TBC1D14: variants seen among roughly 807,000 people sequenced by gnomAD.
TBC1D14 encodes the protein TBC1 domain family, member 14.
A neutral mutation model predicts 79.0 loss-of-function variants in TBC1D14; 26 were observed. That is an observed-to-expected ratio of 0.33 (90% CI 0.24 to 0.46). The LOEUF is 0.46. Among genes scored for constraint, TBC1D14 ranks in the 20% least tolerant of loss-of-function variants. The probability of loss-of-function intolerance (pLI) is 1.00; values close to 1 mark genes in which losing one functional copy is unlikely to be tolerated. For synonymous variants in TBC1D14, 394 were observed against 349.9 expected (o/e 1.13, Z -1.40); for missense variants, 769 against 887.6 (o/e 0.87, Z 1.70).
chr4:6,926,982 C>T (rs1021413857), intron 2 of TBC1D14, among the ~76,000 whole-genome samples: 3 of 152,104 alleles, frequency 2.0e-5, no homozygotes, highest in Non-Finnish European at 4.4e-5. Flanking sequence ...TATGGAAGGA[C>T]GTGTGAACAG....
intron 2 of TBC1D14, among the ~76,000 whole-genome samples, chr4:6,930,018 C>T (rs1267203443): frequency 6.6e-6 from 1 of 152,096 alleles, no homozygotes; most frequent in African/African-American, 2.4e-5. Context: ...ACATGTGTAA[C>T]GTGATCAGAA....
intron 2 of TBC1D14, among the ~76,000 whole-genome samples, chr4:6,943,186 GCA>G (rs1474825403): frequency 2.0e-5 from 3 of 151,840 alleles, no homozygotes; most frequent in Non-Finnish European, 4.4e-5. Context: ...GCCTGAAGCG[GCA>G]CACACAACTC....
intron 3 of TBC1D14, 40 bp downstream of exon 3, chr4:6,967,464 G>A (rs781211629): frequency 1.9e-6 from 3 of 1,604,728 alleles, no homozygotes; most frequent in Non-Finnish European, 2.5e-6. Context: ...GCTGTTGGAT[G>A]TGTTTAGCAT....
At chr4:7,015,964 ATAGC>A (rs1374129266) in intron 12 of TBC1D14, among the ~76,000 whole-genome samples, 5 of 152,232 alleles carry the variant, frequency 3.3e-5, no homozygotes, top group African/African-American at 4.8e-5. Flanking sequence ...CTGTGAACAG[ATAGC>A]TGGCTGGTTT....
chr4:7,010,234 A>G (rs1302141651), intron 10 of TBC1D14, among the ~76,000 whole-genome samples: 1 of 152,244 alleles, frequency 6.6e-6, no homozygotes, highest in African/African-American at 2.4e-5. Flanking sequence ...TAACCACGTT[A>G]AAAGCAGCAA....
At chr4:6,922,177 C>A (rs1176623106) in intron 1 of TBC1D14, among the ~76,000 whole-genome samples, 1 of 152,144 alleles carries the variant, frequency 6.6e-6, no homozygotes, top group Non-Finnish European at 1.5e-5. Context: ...CCTCAGTCTT[C>A]AGAGTACCTG....
chr4:6,914,310 G>A (rs190960259), intron 1 of TBC1D14, among the ~76,000 whole-genome samples: 37 of 152,336 alleles, frequency 2.4e-4, no homozygotes, highest in Middle Eastern at 3.4e-3. Context: ...ACAGCATTGT[G>A]TTAAGTTCCA....
rs115807975 is a variant in TBC1D14, at chr4:7,021,427, A to G, written c.1758-3577A>G. Among the ~76,000 whole-genome samples, 476 of 152,102 alleles carry G rather than the reference A, an allele frequency of 3.1e-3. 1 individual carries two copies. Among genetic ancestry groups the G allele is most frequent in the African/African-American group, 0.011 (447 of 41,474 alleles). On this transcript the variant is annotated intron_variant, in intron 12 of 13. Coordinates refer to ENST00000409757, the MANE Select transcript of TBC1D14 (RefSeq NM_020773.3). Reference sequence around the variant, plus strand: ...AGTCTGGGCAACACAGTGAGACCCTATGTCTACAAATAACTTAAAAATTAG... The same window carrying G: ...AGTCTGGGCAACACAGTGAGACCCTGTGTCTACAAATAACTTAAAAATTAG...
chr4:7,006,603 A>G, intron 8 of TBC1D14, 29 bp from the exon 9 acceptor site: 6 of 1,589,956 alleles, frequency 3.8e-6, no homozygotes, highest in Non-Finnish European at 5.2e-6. Flanking sequence ...CCCTTGAGGA[A>G]TGTAATTATT....
chr4:6,919,534 A>C (rs1208230914), intron 1 of TBC1D14, among the ~76,000 whole-genome samples: 3 of 152,170 alleles, frequency 2.0e-5, no homozygotes, highest in Admixed American at 6.5e-5. Context: ...AGAAAAATTG[A>C]TTATCAATTA....
chr4:6,939,398 A>C (rs1333966646), intron 2 of TBC1D14, among the ~76,000 whole-genome samples: 1 of 149,046 alleles, frequency 6.7e-6, no homozygotes, highest in Non-Finnish European at 1.5e-5. Context: ...TCTCATGCGC[A>C]ATGCCACCCG....
At chr4:7,007,490 C>G (rs1720321538) in intron 9 of TBC1D14, 5 of 1,263,282 alleles carry the variant, frequency 4.0e-6, no homozygotes, top group Non-Finnish European at 5.2e-6. Context: ...ACCTTTGCAC[C>G]TGTCCCTTGT....
In TBC1D14 at chr4:7,030,379, C is replaced by T; in HGVS notation, c.2069C>T (p.Ser690Phe). 1.2e-6 allele frequency: 2 copies of T among 1,613,980 alleles called. No individual in the cohort carries two copies. The highest frequency in any genetic ancestry group is 1.7e-6 in the Non-Finnish European group (2 of 1,179,882). The change falls in exon 14 of 14, where the codon TCC becomes TTC. Residue 690 changes from serine (S) to phenylalanine (F), a missense_variant. Transcript: ENST00000409757. ...CGGGAAATGGAGAAGGGAAGTCCGT[C>T]CCTCCGACACTGAGGCTGCAGCGGG... ...DSREMEKGSP[S>F]LRH is the part of the protein sequence containing the mutation.
At chr4:6,952,114 A>G (rs1315974748) in intron 2 of TBC1D14, among the ~76,000 whole-genome samples, 2 of 152,142 alleles carry the variant, frequency 1.3e-5, no homozygotes, top group Admixed American at 6.6e-5. Flanking sequence ...GTGGGAACCG[A>G]TGAGAAGTGT....
chr4:7,000,347 T>C (rs952953711), intron 6 of TBC1D14, among the ~76,000 whole-genome samples: 3 of 152,214 alleles, frequency 2.0e-5, no homozygotes, highest in Admixed American at 6.5e-5. Context: ...GCTTTTGTAC[T>C]TTATCTCACT....
chr4:6,976,514 C>T (rs931873784), intron 3 of TBC1D14, among the ~76,000 whole-genome samples: 3 of 152,190 alleles, frequency 2.0e-5, no homozygotes, highest in Admixed American at 6.5e-5. Context: ...AAAAGTAAAA[C>T]GATATTGTTA....
chr4:6,964,577 T>A (rs75678401), intron 2 of TBC1D14, among the ~76,000 whole-genome samples: 1,540 of 152,364 alleles, frequency 0.01, 26 homozygotes, highest in African/African-American at 0.035. Flanking sequence ...ATCTTAGATG[T>A]TAAACGGATT....
At chr4:6,978,013 C>G (rs1329934317) in intron 3 of TBC1D14, among the ~76,000 whole-genome samples, 1 of 150,906 alleles carries the variant, frequency 6.6e-6, no homozygotes, top group Non-Finnish European at 1.5e-5. Flanking sequence ...GGCAGCCACT[C>G]CGTCTGGGAC....
At chr4:6,998,008 C>A (rs540189112) in intron 5 of TBC1D14, among the ~76,000 whole-genome samples, 1 of 152,166 alleles carries the variant, frequency 6.6e-6, no homozygotes, top group South Asian at 2.1e-4. Flanking sequence ...TAAATTTGAC[C>A]ACACACACAA....
Sources: gnomAD v4.1 joint callset for allele counts (sites outside exome capture counted in the v4.1 genomes callset) on GRCh38, gnomAD v4.1.1 for gene constraint, MANE v1.5 for transcripts, NCBI Gene and HGNC (gene_info 2026-07-23, HGNC 2026-07-21) for gene names.